Variants in UNC5D observed in about 807,000 individuals in gnomAD.
UNC5D encodes the protein unc-5 netrin receptor D, also known as netrin receptor UNC5D.
A neutral mutation model predicts 105.4 loss-of-function variants in UNC5D; 39 were observed. The ratio of observed to expected loss-of-function variants is 0.37; its 90% CI spans 0.29 to 0.48. The LOEUF is 0.48. UNC5D is among the 20% of genes least tolerant of loss of function. The pLI is 0.98. For synonymous variants in UNC5D, 452 were observed against 450.4 expected (o/e 1.00, Z -0.04); for missense variants, 991 against 1,202.4 (o/e 0.82, Z 2.60).
chr8:35,314,942 AG>A (rs1809176829), intron 1 of UNC5D, among the ~76,000 whole-genome samples: 1 of 152,132 alleles, frequency 6.6e-6, no homozygotes, highest in Admixed American at 6.6e-5. Flanking sequence ...CCACAAAAGA[AG>A]GTATAGTTAA....
Position 35,362,354 on chromosome 8 carries a change from G to A in UNC5D, c.103+126467G>A, listed in dbSNP as rs143072948. Among the ~76,000 whole-genome samples the A allele has an allele frequency of 4.1e-3, 626 of 152,252 alleles. 1 individual carries two copies. The highest frequency in any genetic ancestry group is 7.1e-3 in the Non-Finnish European group (484 of 68,010). On this transcript the variant is annotated intron_variant, in intron 1 of 16. Coordinates refer to ENST00000404895, the MANE Select transcript of UNC5D (RefSeq NM_080872.4). Reference sequence around the variant, plus strand: ...TTCCTTACAAGAAAATAGGTGTAAAGCACTTAGCCCAGAGCCTGACACAGA... The same window carrying A: ...TTCCTTACAAGAAAATAGGTGTAAAACACTTAGCCCAGAGCCTGACACAGA...
At chr8:35,704,025 G>A (rs1489170330) in intron 7 of UNC5D, among the ~76,000 whole-genome samples, 1 of 152,032 alleles carries the variant, frequency 6.6e-6, no homozygotes, top group East Asian at 1.9e-4. Context: ...GTTCAGTAAG[G>A]GAAATGCAAG....
At chr8:35,741,478 T>G (rs1310818066) in intron 11 of UNC5D, among the ~76,000 whole-genome samples, 1 of 152,196 alleles carries the variant, frequency 6.6e-6, no homozygotes, top group Non-Finnish European at 1.5e-5. Context: ...CTGTTCTAAC[T>G]GCTCCTTTTC....
chr8:35,663,537 T>C (rs1262805022), intron 4 of UNC5D, among the ~76,000 whole-genome samples: 11 of 152,178 alleles, frequency 7.2e-5, no homozygotes, highest in Non-Finnish European at 1.6e-4. Flanking sequence ...TCGGTAACCA[T>C]GTCTGAGAGT....
intron 3 of UNC5D, among the ~76,000 whole-genome samples, chr8:35,575,094 C>T (rs1443015150): frequency 6.6e-6 from 1 of 152,128 alleles, no homozygotes; most frequent in Non-Finnish European, 1.5e-5. Context: ...AAGTGTCTAA[C>T]TGAGTTTTCA....
At chr8:35,784,600 T>C (rs1802658250) in intron 16 of UNC5D, among the ~76,000 whole-genome samples, 1 of 151,888 alleles carries the variant, frequency 6.6e-6, no homozygotes, top group African/African-American at 2.4e-5. Flanking sequence ...GTACAAAAAT[T>C]AGCTGGGCAT....
Position 35,408,353 on chromosome 8 carries a change from A to T in UNC5D, c.104-140939A>T, listed in dbSNP as rs113812550. On this transcript the variant is annotated intron_variant, in intron 1 of 16. Transcript: ENST00000404895. The stretch of plus-strand genomic sequence containing the variant: ...TTTGGTTTAATATGATGATGTAGAT[A>T]TGACAATCTAGGAATAAACACCCAA... 6.6e-3 allele frequency among the ~76,000 whole-genome samples: 1,002 copies of T among 151,742 alleles called. 21 individuals carry two copies. The highest frequency in any genetic ancestry group is 0.023 in the African/African-American group (964 of 41,446).
chr8:35,774,353 C>G lies in UNC5D; in HGVS notation c.2533C>G (p.Gln845Glu). The change falls in exon 16 of 17, where the codon CAG becomes GAG. Residue 845 changes from glutamine to glutamate, a missense_variant. Gln to Glu is a conservative substitution (Grantham distance 29). Transcript: ENST00000404895. ...ACAAGAGGACAGCACTTTCCCTGCA[C>G]AGACTGGCCCCAAAGCCTTCAAAAT... Reference protein sequence around the residue: ...FAQEDSTFPAQTGPKAFKIPY... With the variant: ...FAQEDSTFPAETGPKAFKIPY... 16 of 1,614,128 alleles carry G rather than the reference C, an allele frequency of 9.9e-6. No homozygotes were observed. Among genetic ancestry groups the G allele is most frequent in the Non-Finnish European group, 1.4e-5 (16 of 1,179,998 alleles).
intron 1 of UNC5D, among the ~76,000 whole-genome samples, chr8:35,239,259 T>C (rs1262852521): frequency 1.3e-5 from 2 of 152,210 alleles, no homozygotes; most frequent in African/African-American, 4.8e-5. Flanking sequence ...CATTTGGAGC[T>C]GTGGATCCTT....
chr8:35,790,669 A>T lies in UNC5D; in HGVS notation c.*106A>T. ...GTGGCGTTGGGGGAATTCAGCCTTC[A>T]TTTATAATCAGTGAGATTCCCCTGT... On this transcript the variant is annotated 3_prime_UTR_variant, in exon 17 of 17. Transcript: ENST00000404895. 8.0e-7 allele frequency: 1 copy of T among 1,256,136 alleles called. No homozygotes were observed. The highest frequency in any genetic ancestry group is 1.3e-5 in the South Asian group (1 of 76,576). The allele number at this position is 1,256,136 out of a possible 1,614,324, so 77.8% of individuals were successfully genotyped here.
At chr8:35,715,519 G>A (rs1828208383) in intron 8 of UNC5D, among the ~76,000 whole-genome samples, 1 of 152,124 alleles carries the variant, frequency 6.6e-6, no homozygotes, top group Non-Finnish European at 1.5e-5. Context: ...GGAGATTATG[G>A]AACAAGTATT....
At chr8:35,537,790 C>T (rs889336286) in intron 1 of UNC5D, among the ~76,000 whole-genome samples, 12 of 151,200 alleles carry the variant, frequency 7.9e-5, no homozygotes, top group African/African-American at 2.9e-4. Flanking sequence ...AAAAAGATAT[C>T]TGCTAATGCA....
At chr8:35,752,327 C>G (rs185953464) in intron 13 of UNC5D, among the ~76,000 whole-genome samples, 1 of 152,246 alleles carries the variant, frequency 6.6e-6, no homozygotes, top group Admixed American at 6.5e-5. Context: ...GTCATTAAGT[C>G]CATTATGCAG....
At chr8:35,361,685 C>T (rs1308986674) in intron 1 of UNC5D, among the ~76,000 whole-genome samples, 1 of 152,148 alleles carries the variant, frequency 6.6e-6, no homozygotes, top group African/African-American at 2.4e-5. Flanking sequence ...CTCAGAATCA[C>T]TTATGCAGCT....
chr8:35,328,100 C>A (rs191989463), intron 1 of UNC5D, among the ~76,000 whole-genome samples: 9 of 152,048 alleles, frequency 5.9e-5, no homozygotes, highest in African/African-American at 1.7e-4. Context: ...ATGTGGGTGA[C>A]CCCTCCACCT....
At chr8:35,749,937 G>A (rs971810515) in intron 12 of UNC5D, among the ~76,000 whole-genome samples, 3 of 143,764 alleles carry the variant, frequency 2.1e-5, no homozygotes, top group Admixed American at 6.8e-5. Flanking sequence ...AAATGTTTGA[G>A]AGAAAATAAA....
At chr8:35,583,224 G>A (rs1191608221) in intron 3 of UNC5D, among the ~76,000 whole-genome samples, 1 of 152,142 alleles carries the variant, frequency 6.6e-6, no homozygotes, top group East Asian at 1.9e-4. Flanking sequence ...TTGATGGCAT[G>A]TGCCTGTAGT....
chr8:35,268,360 T>C (rs1469004371), intron 1 of UNC5D, among the ~76,000 whole-genome samples: 1 of 152,116 alleles, frequency 6.6e-6, no homozygotes, highest in East Asian at 1.9e-4. Flanking sequence ...AGAAATGTAG[T>C]TCTTTTGGTC....
intron 4 of UNC5D, among the ~76,000 whole-genome samples, chr8:35,655,468 G>C (rs1563636043): frequency 1.3e-5 from 2 of 152,132 alleles, no homozygotes; most frequent in African/African-American, 4.8e-5. Flanking sequence ...TTGTATTTCA[G>C]CTGCTCTATT....
Sources: gnomAD v4.1 joint callset for allele counts (sites outside exome capture counted in the v4.1 genomes callset) on GRCh38, gnomAD v4.1.1 for gene constraint, MANE v1.5 for transcripts, NCBI Gene and HGNC (gene_info 2026-07-23, HGNC 2026-07-21) for gene names.